NEK11: variants seen among roughly 807,000 people sequenced by gnomAD.
NEK11 encodes the protein NIMA related kinase 11.
A neutral mutation model predicts 80.7 loss-of-function variants in NEK11; 72 were observed. The ratio of observed to expected loss-of-function variants is 0.89; its 90% CI spans 0.74 to 1.08. NEK11 has a LOEUF of 1.08. NEK11 is among the 50% of genes least tolerant of loss of function. NEK11 has a pLI of 0.00. For missense variants in NEK11, 764 were observed against 763.6 expected, an observed-to-expected ratio of 1.00 and a Z score of -0.01; for synonymous variants, 251 against 260.7, an observed-to-expected ratio of 0.96 and a Z score of 0.36.
chr3:131,057,801 T>G (rs1412665360), intron 3 of NEK11, among the ~76,000 whole-genome samples: 10 of 151,234 alleles, frequency 6.6e-5, no homozygotes, highest in Admixed American at 6.6e-5. Flanking sequence ...CTTTGTCAGA[T>G]GAGTAGGTTG....
In NEK11 at chr3:131,243,435, G is replaced by T. The variant is rs1466093474; in HGVS notation, c.1561-1G>T. On this transcript the variant is annotated splice_acceptor_variant, in intron 15 of 17. Coordinates refer to ENST00000383366, the MANE Select transcript of NEK11 (RefSeq NM_024800.5). LOFTEE classifies it high-confidence loss of function. ...TAAACATTTCTCCCTTATTTTGACA[G>T]GACAGTGATATCGAAGCGTTGGCCA... The T allele has an allele frequency of 6.2e-7, 1 of 1,612,170 alleles. No homozygotes were observed. The highest frequency in any genetic ancestry group is 8.5e-7 in the Non-Finnish European group (1 of 1,178,884).
intron 14 of NEK11, among the ~76,000 whole-genome samples, chr3:131,221,554 G>T (rs950231791): frequency 6.6e-6 from 1 of 152,180 alleles, no homozygotes; most frequent in Non-Finnish European, 1.5e-5. Flanking sequence ...CATCTGGGAT[G>T]GTGGTGGGCC....
intron 4 of NEK11, among the ~76,000 whole-genome samples, chr3:131,086,304 C>G (rs2075975524): frequency 6.6e-6 from 1 of 152,082 alleles, no homozygotes. Flanking sequence ...AGTGAAGTTG[C>G]CTGTGGCGAT....
At chr3:131,294,735 C>T (rs2096575708) in intron 17 of NEK11, among the ~76,000 whole-genome samples, 1 of 152,022 alleles carries the variant, frequency 6.6e-6, no homozygotes, top group Admixed American at 6.6e-5. Flanking sequence ...TGTATTTTGA[C>T]ACTCTGTTGT....
At chr3:131,165,169 G>A (rs1403539108) in intron 11 of NEK11, 1 of 386,842 alleles carries the variant, frequency 2.6e-6, no homozygotes, top group African/African-American at 2.0e-5. Context: ...AACTCACAGA[G>A]AGGAGCACTG....
chr3:131,081,635 T>C (rs556881886), intron 4 of NEK11, among the ~76,000 whole-genome samples: 2 of 152,256 alleles, frequency 1.3e-5, no homozygotes, highest in South Asian at 4.2e-4. Flanking sequence ...TTATGGAAGC[T>C]AGGGTTAGCC....
chr3:131,073,769 C>T (rs1162684765), intron 3 of NEK11, among the ~76,000 whole-genome samples: 1 of 152,108 alleles, frequency 6.6e-6, no homozygotes, highest in Non-Finnish European at 1.5e-5. Flanking sequence ...TGTTGGGGTC[C>T]TGCCTATATC....
intron 14 of NEK11, among the ~76,000 whole-genome samples, chr3:131,204,966 C>G (rs2150428258): frequency 6.6e-6 from 1 of 152,146 alleles, no homozygotes; most frequent in African/African-American, 2.4e-5. Flanking sequence ...AAGTGATCAG[C>G]TAAACATGAG....
chr3:131,172,899 C>T (rs1470005686), intron 14 of NEK11, among the ~76,000 whole-genome samples: 1 of 152,158 alleles, frequency 6.6e-6, no homozygotes, highest in Non-Finnish European at 1.5e-5. Flanking sequence ...AAGAAAGTGA[C>T]CTCTGGTCAT....
At chr3:131,276,378 G>A (rs1043128459) in intron 17 of NEK11, among the ~76,000 whole-genome samples, 32 of 152,282 alleles carry the variant, frequency 2.1e-4, no homozygotes, top group African/African-American at 7.5e-4. Flanking sequence ...AGAGGCCTCT[G>A]CCAACCCCAT....
chr3:131,084,741 A>G, intron 4 of NEK11, among the ~76,000 whole-genome samples: 1 of 152,156 alleles, frequency 6.6e-6, no homozygotes, highest in East Asian at 1.9e-4. Flanking sequence ...AGTTCTCAAC[A>G]TTGGCTGCAT....
At chr3:131,266,752 G>C (rs1328048838) in intron 16 of NEK11, among the ~76,000 whole-genome samples, 1 of 152,156 alleles carries the variant, frequency 6.6e-6, no homozygotes, top group Admixed American at 6.5e-5. Context: ...TTCAAGTCCT[G>C]AATATCCTTG....
Position 131,160,125 on chromosome 3 carries a change from C to T in NEK11, c.963-2283C>T, listed in dbSNP as rs371463526. On this transcript the variant is annotated intron_variant, in intron 10 of 17. Transcript: ENST00000383366. ...AAGATCATCCCCCAGGACACATAAT[C>T]GTGAGGTTTTCCAAGGTCAAAATGA... Among the ~76,000 whole-genome samples, 531 of 152,198 alleles carry T rather than the reference C, an allele frequency of 3.5e-3. 2 individuals carry two copies. Among genetic ancestry groups the T allele is most frequent in the African/African-American group, 0.012 (478 of 41,504 alleles).
intron 16 of NEK11, among the ~76,000 whole-genome samples, chr3:131,251,491 T>G (rs962547889): frequency 6.6e-6 from 1 of 152,082 alleles, no homozygotes; most frequent in African/African-American, 2.4e-5. Context: ...AATTTGTAAA[T>G]TAAAAAGAAG....
chr3:131,272,389 G>A (rs937894283), intron 16 of NEK11, among the ~76,000 whole-genome samples: 10 of 149,132 alleles, frequency 6.7e-5, no homozygotes, highest in Non-Finnish European at 3.0e-5. Flanking sequence ...GGAGGAAAGA[G>A]CAGCATAGGG....
intron 17 of NEK11, among the ~76,000 whole-genome samples, chr3:131,342,511 T>A (rs533712465): frequency 4.6e-5 from 7 of 152,016 alleles, no homozygotes; most frequent in Non-Finnish European, 1.0e-4. Flanking sequence ...AGAAATTACA[T>A]GTTTTTCACT....
chr3:131,027,620 C>G (rs1182596294), intron 1 of NEK11: 2 of 152,188 alleles, frequency 1.3e-5, no homozygotes, highest in Non-Finnish European at 2.9e-5. Context: ...CAAGTTCACT[C>G]AAACCTCGAG....
intron 17 of NEK11, among the ~76,000 whole-genome samples, chr3:131,314,774 T>C (rs1432671988): frequency 6.6e-6 from 1 of 152,246 alleles, no homozygotes; most frequent in Non-Finnish European, 1.5e-5. Flanking sequence ...GAAAACAGCC[T>C]TGACTTCAGT....
chr3:131,287,368 G>T (rs2096486124), intron 17 of NEK11, among the ~76,000 whole-genome samples: 1 of 152,110 alleles, frequency 6.6e-6, no homozygotes, highest in African/African-American at 2.4e-5. Context: ...CCGCCTCCTG[G>T]GTTCAAGCAA....
Sources: allele counts gnomAD v4.1 joint callset (sites outside exome capture counted in the v4.1 genomes callset), GRCh38; gene constraint gnomAD v4.1.1; transcripts MANE v1.5; gene names NCBI Gene and HGNC (gene_info 2026-07-23, HGNC 2026-07-21).